The following PGCKA1 variants were observed in gnomAD, a reference collection of about 807,000 sequenced individuals.
The protein encoded by PGCKA1 is PDCD10 and GCKIII kinases associated 1, also known as PDCD10 and GCKIII kinases-associated protein 1.
At chr4:37,457,832 A>G in the PGCKA1 span, among the ~76,000 whole-genome samples, 1 of 152,166 alleles carries the variant, frequency 6.6e-6, no homozygotes, top group South Asian at 2.1e-4. Context: ...TCTGATTCCT[A>G]ATGAGCTTGG....
chr4:37,492,308 T>C, the PGCKA1 span, among the ~76,000 whole-genome samples: 1 of 152,202 alleles, frequency 6.6e-6, no homozygotes, highest in African/African-American at 2.4e-5. This position sits in a 1 kb window ranked among gnomAD's most constrained non-coding sequence, Gnocchi z 4.7. Flanking sequence ...GGCGTTCTGC[T>C]CATATATAAG....
At chr4:37,550,217 T>C in the PGCKA1 span, among the ~76,000 whole-genome samples, 1 of 152,182 alleles carries the variant, frequency 6.6e-6, no homozygotes, top group East Asian at 1.9e-4. Flanking sequence ...GTCCTTTTCC[T>C]GGTGACACAA....
At chr4:37,488,911 A>C in the PGCKA1 span, among the ~76,000 whole-genome samples, 9 of 152,124 alleles carry the variant, frequency 5.9e-5, no homozygotes, top group African/African-American at 2.2e-4. Flanking sequence ...TCCACTTATA[A>C]GTGGGTTTTT....
chr4:37,470,841 A>T, the PGCKA1 span, among the ~76,000 whole-genome samples: 1 of 151,898 alleles, frequency 6.6e-6, no homozygotes, highest in Non-Finnish European at 1.5e-5. Flanking sequence ...TTTGAGATGT[A>T]GAAAAGATCT....
the PGCKA1 span, among the ~76,000 whole-genome samples, chr4:37,589,159 A>G: frequency 6.6e-6 from 1 of 152,178 alleles, no homozygotes; most frequent in Non-Finnish European, 1.5e-5. Flanking sequence ...TGGGTTTCTG[A>G]GGATGCCTGA....
the PGCKA1 span, chr4:37,590,758 G>A: frequency 6.2e-7 from 1 of 1,613,932 alleles, no homozygotes; most frequent in East Asian, 2.2e-5. Context: ...GCCCTTCTCT[G>A]TGAGGAGAAG....
chr4:37,553,031 C>A, the PGCKA1 span, among the ~76,000 whole-genome samples: 1 of 137,184 alleles, frequency 7.3e-6, no homozygotes, highest in East Asian at 2.3e-4. Context: ...CTCTCATGGC[C>A]TCATTTTTCC....
At chr4:37,547,222 G>C in the PGCKA1 span, among the ~76,000 whole-genome samples, 1 of 152,204 alleles carries the variant, frequency 6.6e-6, no homozygotes, top group African/African-American at 2.4e-5. Flanking sequence ...GATCACCCAC[G>C]GTGTGCCTCT....
the PGCKA1 span, among the ~76,000 whole-genome samples, chr4:37,474,227 C>A: frequency 2.6e-5 from 4 of 152,084 alleles, no homozygotes; most frequent in African/African-American, 4.8e-5. Context: ...AGAGTTCTGG[C>A]CCTCTTCCCT....
chr4:37,458,564 G>A, the PGCKA1 span, among the ~76,000 whole-genome samples: 12 of 152,128 alleles, frequency 7.9e-5, no homozygotes, highest in African/African-American at 2.2e-4. Flanking sequence ...GCCATGTCAC[G>A]TGGGGAGCAG....
chr4:37,532,430 A>G, the PGCKA1 span, among the ~76,000 whole-genome samples: 1 of 152,266 alleles, frequency 6.6e-6, no homozygotes, highest in Non-Finnish European at 1.5e-5. Context: ...AGTTGAAACT[A>G]TAGGTTAACT....
At chr4:37,547,728 C>T in the PGCKA1 span, among the ~76,000 whole-genome samples, 1 of 152,086 alleles carries the variant, frequency 6.6e-6, no homozygotes, top group Non-Finnish European at 1.5e-5. Context: ...AAGAGAACAG[C>T]AGCATAAGTG....
chr4:37,453,808 C>A, the PGCKA1 span: 1 of 152,166 alleles, frequency 6.6e-6, no homozygotes, highest in South Asian at 2.1e-4. Flanking sequence ...GCCCTAGCCC[C>A]GCCGCATCCT....
chr4:37,592,551 T>C, the PGCKA1 span, among the ~76,000 whole-genome samples: 1 of 152,150 alleles, frequency 6.6e-6, no homozygotes, highest in African/African-American at 2.4e-5. Flanking sequence ...ACAACCATTC[T>C]AACGTAACTC....
the PGCKA1 span, among the ~76,000 whole-genome samples, chr4:37,543,517 T>C: frequency 6.6e-6 from 1 of 151,172 alleles, no homozygotes; most frequent in African/African-American, 2.5e-5. Context: ...TTTGGGACAC[T>C]TTAGTTATTC....
the PGCKA1 span, chr4:37,591,453 A>G: frequency 6.5e-6 from 1 of 154,192 alleles, no homozygotes. Context: ...TGGAAAAAGT[A>G]ACTACCCCAA....
At chr4:37,585,819 C>A in the PGCKA1 span, among the ~76,000 whole-genome samples, 1 of 151,924 alleles carries the variant, frequency 6.6e-6, no homozygotes, top group African/African-American at 2.4e-5. Context: ...CACATGTGTA[C>A]ACAGTTCCAT....
chr4:37,495,965 G>C, the PGCKA1 span, among the ~76,000 whole-genome samples: 1 of 151,930 alleles, frequency 6.6e-6, no homozygotes, highest in Non-Finnish European at 1.5e-5. Context: ...CTGAATGTTA[G>C]ACCTTTGTCA....
chr4:37,539,145 G>A, the PGCKA1 span, among the ~76,000 whole-genome samples: 1 of 152,188 alleles, frequency 6.6e-6, no homozygotes, highest in Non-Finnish European at 1.5e-5. Flanking sequence ...AGCCGACCCT[G>A]TGAAAAACAG....
Sources: gnomAD v4.1 joint callset for allele counts (sites outside exome capture counted in the v4.1 genomes callset) on GRCh38, gnomAD v4.1.1 for gene constraint, Gnocchi (gnomAD v3.1) non-coding constraint, MANE v1.5 for transcripts, NCBI Gene and HGNC (gene_info 2026-07-23, HGNC 2026-07-21) for gene names.